Variants in TICRR observed in about 807,000 individuals in gnomAD.
TICRR encodes TOPBP1 interacting checkpoint and replication regulator, also known as treslin.
In TICRR, 132 loss-of-function variants were observed where a neutral mutation model predicts 178.1. The observed-to-expected ratio is 0.74, with a 90% CI of 0.64 to 0.86. The LOEUF is 0.86. Ranked by LOEUF, TICRR falls within the 40% of genes least tolerant of loss-of-function variation. The pLI is 0.00. For missense variants in TICRR, 2,587 were observed against 2,334.3 expected (o/e 1.11, Z -2.23); for synonymous variants, 991 against 900.7 (o/e 1.10, Z -1.79).
chr15:89,588,414 A>G (rs1174538180), intron 4 of TICRR, among the ~76,000 whole-genome samples: 1 of 152,160 alleles, frequency 6.6e-6, no homozygotes, highest in East Asian at 1.9e-4. Flanking sequence ...TGGTAAAGCT[A>G]GAGAGGGGTC....
chr15:89,583,062 C>T (rs1012305960), intron 2 of TICRR, 97 bp downstream of exon 2: 1 of 1,281,882 alleles, frequency 7.8e-7, no homozygotes. Context: ...TTCTCACAGC[C>T]CAGGCACTCA....
chr15:89,614,110 C>T (rs1399596846), intron 15 of TICRR, among the ~76,000 whole-genome samples: 4 of 151,844 alleles, frequency 2.6e-5, no homozygotes, highest in South Asian at 2.1e-4. Context: ...GCCGAGATCA[C>T]GCCACTGCAC....
chr15:89,597,333 G>C (rs1240560554), intron 7 of TICRR, among the ~76,000 whole-genome samples: 9 of 152,040 alleles, frequency 5.9e-5, no homozygotes, highest in African/African-American at 2.2e-4. Context: ...AGATCAGCCT[G>C]GCCAGCATGG....
intron 9 of TICRR, among the ~76,000 whole-genome samples, chr15:89,601,048 G>GAAAAA (rs71151515): frequency 9.4e-5 from 7 of 74,804 alleles, no homozygotes; most frequent in Non-Finnish European, 1.2e-4. Context: ...CCTGTCTCAG[G>GAAAAA]AAAAAAAAAA....
At chr15:89,605,016 A>G (rs1446933060) in intron 13 of TICRR, among the ~76,000 whole-genome samples, 2 of 152,150 alleles carry the variant, frequency 1.3e-5, no homozygotes, top group East Asian at 3.8e-4. Flanking sequence ...TCTTTTACGT[A>G]TCTTAACTCC....
chr15:89,625,961 C>T lies in TICRR; in HGVS notation c.5502C>T (p.Ala1834=), dbSNP rs75843552. 0.015 allele frequency: 23,606 copies of T among 1,590,206 alleles called. 238 individuals carry two copies. The highest frequency in any genetic ancestry group is 0.017 in the Non-Finnish European group (19,751 of 1,170,644). The change falls in exon 21 of 22, where the codon GCC becomes GCT. Residue 1834 remains alanine (A), a synonymous_variant. Coordinates refer to ENST00000268138, the MANE Select transcript of TICRR (RefSeq NM_152259.4). ...GCTCCACCCCACCTCCCAGCTGTGC[C>T]GTGCGGAGCTGCCTCTCTGCCAGTG... is the stretch of plus-strand genomic sequence containing the variant. ...VSGSTPPPSC[A]VRSCLSASAL... is the part of the protein sequence containing the mutation.
chr15:89,602,802 T>C lies in TICRR; in HGVS notation c.2574T>C (p.Asn858=), dbSNP rs371926043. ...RTRSAKKRRK[N]ALIRHKSIAE... is the part of the protein sequence containing the mutation. ...CTATTTCTATTTTTAAAAGGAAAAA[T>C]GCATTAATAAGACATAAAAGCATTG... Residue 858 remains asparagine (N), a synonymous_variant, in exon 13 of 22, where the codon AAT becomes AAC. Transcript: ENST00000268138. 8.2e-6 allele frequency: 12 copies of C among 1,467,280 alleles called. No homozygotes were observed. In the African/African-American group the frequency reaches 1.3e-4, roughly 16 times the overall value. The allele number at this position is 1,467,280 out of a possible 1,614,324, so 90.9% of individuals were successfully genotyped here. A position where few individuals can be genotyped will look rare whatever the true frequency, so the allele number is the denominator to read the frequency against.
chr15:89,608,283 A>T (rs1963203449), intron 14 of TICRR, among the ~76,000 whole-genome samples: 1 of 152,204 alleles, frequency 6.6e-6, no homozygotes, highest in Non-Finnish European at 1.5e-5. Context: ...TCCTAGAAAG[A>T]TACAAACTAC....
chr15:89,587,276 G>A (rs1962838403), intron 4 of TICRR, among the ~76,000 whole-genome samples: 1 of 152,082 alleles, frequency 6.6e-6, no homozygotes, highest in African/African-American at 2.4e-5. Flanking sequence ...GTTTGTTTTG[G>A]GCATGGTAAG....
Position 89,626,052 on chromosome 15 carries a change from G to T in TICRR, c.5593G>T (p.Asp1865Tyr). The change falls in exon 21 of 22, where the codon GAC (aspartate) becomes TAC (tyrosine). Residue 1865 changes from aspartate (D) to tyrosine (Y), a missense_variant. Physicochemically the swap from Asp to Tyr is radical, Grantham distance 160 (BLOSUM62 -3). Transcript: ENST00000268138. ...GAAAACACCTTCCTCTCAGAGCAAAGACCCCAGAGGTAATGTTTGTTGAAG... is the reference window on the plus strand; with the variant it reads ...GAAAACACCTTCCTCTCAGAGCAAATACCCCAGAGGTAATGTTTGTTGAAG... ...QGKTPSSQSKDPRDEDVDVLP... is the reference protein window; with the variant it reads ...QGKTPSSQSKYPRDEDVDVLP... The T allele has an allele frequency of 1.2e-6, 2 of 1,613,872 alleles. No individual in the cohort carries two copies. The highest frequency in any genetic ancestry group is 1.7e-6 in the Non-Finnish European group (2 of 1,179,894).
intron 19 of TICRR, among the ~76,000 whole-genome samples, chr15:89,622,424 G>A (rs546499267): frequency 1.3e-5 from 2 of 152,236 alleles, no homozygotes; most frequent in East Asian, 3.9e-4. Flanking sequence ...TGATCTTTCT[G>A]AAACATTCCT....
chr15:89,587,571 T>A (rs781609971), intron 4 of TICRR, among the ~76,000 whole-genome samples: 1 of 152,038 alleles, frequency 6.6e-6, no homozygotes, highest in Non-Finnish European at 1.5e-5. Flanking sequence ...AAAACCCAGA[T>A]TGTGGTACCC....
At chr15:89,622,007 GAC>G (rs1243567680) in intron 19 of TICRR, among the ~76,000 whole-genome samples, 2 of 66,796 alleles carry the variant, frequency 3.0e-5, no homozygotes, top group Non-Finnish European at 6.5e-5. Context: ...TTTTTTTGGA[GAC>G]AGAGTCTTAC....
intron 11 of TICRR, 78 bp from the exon 12 acceptor site, chr15:89,601,659 A>G: frequency 1.9e-6 from 3 of 1,610,530 alleles, no homozygotes; most frequent in Middle Eastern, 1.7e-4. Context: ...TGTAAGGACT[A>G]CTTTTTAGGC....
chr15:89,608,337 T>G lies in TICRR; in HGVS notation c.2723-466T>G, dbSNP rs149009999. Among the ~76,000 whole-genome samples the G allele has an allele frequency of 1.6e-4, 24 of 152,292 alleles. No individual in the cohort carries two copies. In the East Asian group the frequency reaches 4.6e-3, roughly 29 times the overall value. On this transcript the variant is annotated intron_variant, in intron 14 of 21. Transcript: ENST00000268138. The stretch of plus-strand genomic sequence containing the variant: ...GAAATAGAAAATCAGAATAGATCTA[T>G]AACAAGTAAAAAGTTTGAATTAGTT...
intron 4 of TICRR, among the ~76,000 whole-genome samples, chr15:89,590,581 C>T (rs569477029): frequency 1.3e-5 from 2 of 152,336 alleles, no homozygotes; most frequent in Non-Finnish European, 2.9e-5. Flanking sequence ...ATTGTCCAGT[C>T]TCCCCACCAT....
At chr15:89,584,157 C>A in intron 2 of TICRR, 129 bp from the exon 3 acceptor site, 1 of 935,590 alleles carries the variant, frequency 1.1e-6, no homozygotes, top group Non-Finnish European at 1.5e-6. Flanking sequence ...GACAGTATCT[C>A]AATTGACAAC....
At chr15:89,619,593 C>A in intron 17 of TICRR, 115 bp from the exon 18 acceptor site, 1 of 1,121,378 alleles carries the variant, frequency 8.9e-7, no homozygotes, top group Non-Finnish European at 1.3e-6. Flanking sequence ...TAATAGCTTG[C>A]TGAATTTCCA....
At chr15:89,610,890 A>T (rs1394437971) in intron 15 of TICRR, among the ~76,000 whole-genome samples, 2 of 151,778 alleles carry the variant, frequency 1.3e-5, no homozygotes, top group Non-Finnish European at 2.9e-5. Context: ...CTCAGTTAGC[A>T]TCTTAAGCTT....
Sources: allele counts gnomAD v4.1 joint callset (sites outside exome capture counted in the v4.1 genomes callset), GRCh38; gene constraint gnomAD v4.1.1; transcripts MANE v1.5; gene names NCBI Gene and HGNC (gene_info 2026-07-23, HGNC 2026-07-21).